The following TULP4 variants were observed in gnomAD, a reference collection of about 807,000 sequenced individuals.
TULP4 encodes the protein TUB like protein 4, also known as tubby-related protein 4.
In TULP4, 16 loss-of-function variants were observed where a neutral mutation model predicts 129.0. The observed-to-expected ratio is 0.12, with a 90% CI of 0.08 to 0.19. The LOEUF is 0.19. TULP4 is among the 10% of genes least tolerant of loss of function. The pLI is 1.00. For synonymous variants in TULP4, 998 were observed against 854.0 expected, an observed-to-expected ratio of 1.17 and a Z score of -2.94; for missense variants, 1,842 against 2,059.1, an observed-to-expected ratio of 0.89 and a Z score of 2.04.
chr6:158,344,431 G>A (rs1281542232), intron 1 of TULP4, among the ~76,000 whole-genome samples: 2 of 152,128 alleles, frequency 1.3e-5, no homozygotes, highest in Non-Finnish European at 2.9e-5. Context: ...CCCGCATCAA[G>A]CAAGTCTTTC....
chr6:158,329,618 AG>A (rs1471771371), intron 1 of TULP4, among the ~76,000 whole-genome samples: 2 of 152,210 alleles, frequency 1.3e-5, no homozygotes, highest in African/African-American at 4.8e-5. Context: ...AATTTTATAC[AG>A]AAAACAAGAG....
intron 6 of TULP4, among the ~76,000 whole-genome samples, chr6:158,467,582 G>A (rs1779582053): frequency 6.6e-6 from 1 of 152,124 alleles, no homozygotes; most frequent in Admixed American, 6.5e-5. Context: ...CGCCCTGCCT[G>A]CCTTTCCCTT....
intron 5 of TULP4, among the ~76,000 whole-genome samples, chr6:158,457,286 C>T (rs1377680118): frequency 2.0e-5 from 3 of 152,172 alleles, no homozygotes. Context: ...CTGGAATTTA[C>T]GACCTGTGCA....
chr6:158,381,901 C>A (rs1459322836), intron 1 of TULP4, among the ~76,000 whole-genome samples: 6 of 152,138 alleles, frequency 3.9e-5, no homozygotes, highest in Admixed American at 3.9e-4. Context: ...GTGTGCAATG[C>A]AGTTGTTATT....
chr6:158,382,869 G>A (rs1394836131), intron 1 of TULP4, among the ~76,000 whole-genome samples: 1 of 152,186 alleles, frequency 6.6e-6, no homozygotes, highest in African/African-American at 2.4e-5. Flanking sequence ...AGCAAGGGTT[G>A]ACATATTAAT....
At chr6:158,263,069 C>T (rs1778378984) in intron 1 of TULP4, among the ~76,000 whole-genome samples, 1 of 152,198 alleles carries the variant, frequency 6.6e-6, no homozygotes, top group Non-Finnish European at 1.5e-5. Flanking sequence ...CCAGACTGAA[C>T]ATCCTACCCG....
chr6:158,394,502 G>A (rs1777659418), intron 1 of TULP4, among the ~76,000 whole-genome samples: 1 of 152,032 alleles, frequency 6.6e-6, no homozygotes, highest in South Asian at 2.1e-4. Context: ...CTACCTGCAT[G>A]GCTGGGCGCG....
chr6:158,259,645 C>G (rs1453765237), intron 1 of TULP4, among the ~76,000 whole-genome samples: 1 of 152,222 alleles, frequency 6.6e-6, no homozygotes, highest in African/African-American at 2.4e-5. Context: ...TCGGTTCTGA[C>G]ACCAACCACC....
intron 3 of TULP4, among the ~76,000 whole-genome samples, chr6:158,441,907 A>G (rs1032823248): frequency 1.4e-4 from 22 of 152,144 alleles, no homozygotes; most frequent in African/African-American, 5.3e-4. Flanking sequence ...GATAGGGCCC[A>G]TCTCCCAGGC....
intron 1 of TULP4, among the ~76,000 whole-genome samples, chr6:158,335,677 G>A (rs1336925250): frequency 6.6e-6 from 1 of 152,146 alleles, no homozygotes; most frequent in Non-Finnish European, 1.5e-5. Flanking sequence ...TTTCTTCTCT[G>A]CCTTTGACAA....
At chr6:158,402,195 C>A (rs1394090315) in intron 1 of TULP4, among the ~76,000 whole-genome samples, 3 of 152,172 alleles carry the variant, frequency 2.0e-5, no homozygotes, top group East Asian at 3.8e-4. Context: ...CCTTTACTCA[C>A]CATAGGGAGC....
intron 5 of TULP4, among the ~76,000 whole-genome samples, chr6:158,460,128 G>A (rs1388925231): frequency 1.3e-5 from 2 of 152,172 alleles, no homozygotes; most frequent in Non-Finnish European, 2.9e-5. Flanking sequence ...TCATGAGAAA[G>A]TCCCGTGTTC....
intron 1 of TULP4, among the ~76,000 whole-genome samples, chr6:158,263,790 C>T (rs1237322314): frequency 2.0e-5 from 3 of 151,466 alleles, no homozygotes; most frequent in African/African-American, 4.9e-5. Context: ...AGGCTGGGCG[C>T]GGTGGCTCAT....
intron 1 of TULP4, among the ~76,000 whole-genome samples, chr6:158,369,757 C>T (rs1777031567): frequency 6.6e-6 from 1 of 152,080 alleles, no homozygotes; most frequent in Non-Finnish European, 1.5e-5. Context: ...GAAGGATATG[C>T]AAGAAACTGG....
intron 2 of TULP4, among the ~76,000 whole-genome samples, chr6:158,425,153 CAAAAAAAAAAAAA>C (rs562712423): frequency 1.1e-3 from 45 of 39,808 alleles, no homozygotes; most frequent in African/African-American, 9.2e-4. Flanking sequence ...GACACCATCT[CAAAAAAAAAAAAA>C]AAAAAAAAAA....
chr6:158,240,024 G>C (rs1232301703), intron 1 of TULP4, among the ~76,000 whole-genome samples: 1 of 118,860 alleles, frequency 8.4e-6, no homozygotes, highest in African/African-American at 2.9e-5. Flanking sequence ...CGGACGGGGC[G>C]GCTGGCCGGG....
intron 1 of TULP4, among the ~76,000 whole-genome samples, chr6:158,397,106 G>A (rs1450000165): frequency 2.0e-5 from 3 of 152,192 alleles, no homozygotes; most frequent in Non-Finnish European, 4.4e-5. Context: ...GAATCCATGG[G>A]AAATGGCCCT....
At chr6:158,282,381 A>T (rs1328152009) in intron 1 of TULP4, 2 of 152,092 alleles carry the variant, frequency 1.3e-5, no homozygotes, top group Non-Finnish European at 2.9e-5. Flanking sequence ...TCTAAAAGGT[A>T]AGCTTTTGAT....
At chr6:158,316,670 C>A (rs917762515) in intron 1 of TULP4, among the ~76,000 whole-genome samples, 7 of 152,058 alleles carry the variant, frequency 4.6e-5, no homozygotes, top group Admixed American at 6.6e-5. Flanking sequence ...AAACGTTACC[C>A]ATTTTTAGTC....
Sources: allele counts gnomAD v4.1 joint callset (sites outside exome capture counted in the v4.1 genomes callset), GRCh38; gene constraint gnomAD v4.1.1; transcripts MANE v1.5; gene names NCBI Gene and HGNC (gene_info 2026-07-23, HGNC 2026-07-21).